Variants in LDB2 observed in about 807,000 individuals in gnomAD.
LDB2 encodes LIM domain-binding protein 2.
In LDB2, 12 loss-of-function variants were observed where a neutral mutation model predicts 44.3. The observed-to-expected ratio is 0.27, with a 90% CI of 0.17 to 0.44. The LOEUF is 0.44. LDB2 is among the 20% of genes least tolerant of loss of function. The probability of loss-of-function intolerance (pLI) is 1.00; values close to 1 mark genes in which losing one functional copy is unlikely to be tolerated. For synonymous variants in LDB2, 164 were observed against 174.8 expected (o/e 0.94, Z 0.49); for missense variants, 344 against 473.5 (o/e 0.73, Z 2.54).
Position 16,849,604 on chromosome 4 carries a change from A to G in LDB2, c.132+48750T>C, listed in dbSNP as rs137940602. On this transcript the variant is annotated intron_variant, in intron 1 of 7. Transcript: ENST00000304523. The stretch of plus-strand genomic sequence containing the variant: ...GCCTCCTTCAAATCCCTCTGGTCCA[A>G]TTGATGTATTAACTCTTTGGGAGCC... 2.8e-3 allele frequency among the ~76,000 whole-genome samples: 430 copies of G among 152,304 alleles called. 1 individual carries two copies. The highest frequency in any genetic ancestry group is 6.8e-3 in the Middle Eastern group (2 of 294).
chr4:16,711,981 A>T (rs367771857), intron 2 of LDB2, among the ~76,000 whole-genome samples: 8 of 152,326 alleles, frequency 5.3e-5, no homozygotes, highest in African/African-American at 1.4e-4. Context: ...CTTTTAGAAG[A>T]TAACATAGGC....
intron 2 of LDB2, among the ~76,000 whole-genome samples, chr4:16,754,258 T>G (rs913352154): frequency 6.6e-6 from 1 of 152,116 alleles, no homozygotes; most frequent in African/African-American, 2.4e-5. Context: ...GAGCCTAATC[T>G]CCTCAGTCCT....
intron 2 of LDB2, among the ~76,000 whole-genome samples, chr4:16,708,717 T>C (rs959120784): frequency 1.3e-5 from 2 of 152,034 alleles, no homozygotes; most frequent in Middle Eastern, 3.4e-3. Context: ...ATATAGTGGA[T>C]AGACATAATT....
intron 5 of LDB2, among the ~76,000 whole-genome samples, chr4:16,542,518 G>C (rs1187293864): frequency 6.6e-6 from 1 of 152,158 alleles, no homozygotes; most frequent in Admixed American, 6.5e-5. Context: ...CAAAGGCTAA[G>C]TGGCTGTAGC....
intron 5 of LDB2, among the ~76,000 whole-genome samples, chr4:16,517,726 A>C (rs1377712635): frequency 6.6e-6 from 1 of 152,232 alleles, no homozygotes; most frequent in Non-Finnish European, 1.5e-5. Flanking sequence ...TCATCCTGGC[A>C]AAGTTCCAAG....
At chr4:16,802,493 T>C (rs1167643143) in intron 1 of LDB2, among the ~76,000 whole-genome samples, 1 of 152,154 alleles carries the variant, frequency 6.6e-6, no homozygotes, top group African/African-American at 2.4e-5. Flanking sequence ...GAGAGCTGCA[T>C]CTCATTGCTG....
At chr4:16,536,206 T>C (rs919676801) in intron 5 of LDB2, among the ~76,000 whole-genome samples, 1 of 152,152 alleles carries the variant, frequency 6.6e-6, no homozygotes, top group Non-Finnish European at 1.5e-5. Flanking sequence ...CCCATGTAGC[T>C]CATTTGTGTA....
chr4:16,545,057 C>T (rs1321426053), intron 5 of LDB2, among the ~76,000 whole-genome samples: 1 of 152,066 alleles, frequency 6.6e-6, no homozygotes, highest in Admixed American at 6.5e-5. Context: ...AGAAGTATTT[C>T]ATGGAGAAAC....
chr4:16,898,430 C>T lies in LDB2; in HGVS notation c.56G>A (p.Arg19Lys). ...CTGTACCATGTATGGTGTATGCCTC[C>T]TATAAAATGGGCCGAAAGGAGAAGA... is the stretch of plus-strand genomic sequence containing the variant. ...FYSSPFGPFY[R>K]RHTPYMVQPE... The change falls in exon 1 of 8, where the codon AGG (arginine) becomes AAG (lysine). Residue 19 changes from arginine (R) to lysine (K), a missense_variant. This residue lies in a region of LDB2 where 226 missense variants were observed against 270.1 expected (regional missense o/e 0.84). Transcript: ENST00000304523. The T allele has an allele frequency of 6.2e-7, 1 of 1,613,794 alleles. No individual in the cohort carries two copies. Among genetic ancestry groups the T allele is most frequent in the South Asian group, 1.1e-5 (1 of 91,060 alleles).
rs1170545058 is a variant in LDB2 at position 16,739,648 on chromosome 4, ATGTGTG to A, written c.235+19504_235+19509del. Among the ~76,000 whole-genome samples the A allele has an allele frequency of 8.2e-4, 63 of 77,130 alleles. 1 individual carries two copies. Among genetic ancestry groups the A allele is most frequent in the African/African-American group, 1.8e-3 (35 of 19,754 alleles). The allele number at this position is 77,130 out of a possible 152,430, so 50.6% of individuals were successfully genotyped here. A position where few individuals can be genotyped will look rare whatever the true frequency, so the allele number is the denominator to read the frequency against. On this transcript the variant is annotated intron_variant, in intron 2 of 7. Coordinates refer to ENST00000304523, the MANE Select transcript of LDB2 (RefSeq NM_001290.5). ...TGTGTGTATATATGTATATATACAT[ATGTGTG>A]TATATATGTATATATACATATGTGT...
At chr4:16,512,513 A>C (rs1453368916) in intron 5 of LDB2, among the ~76,000 whole-genome samples, 1 of 152,028 alleles carries the variant, frequency 6.6e-6, no homozygotes, top group Non-Finnish European at 1.5e-5. Flanking sequence ...TTCGATTTCT[A>C]CTCTGGTTTC....
intron 5 of LDB2, chr4:16,581,396 G>A (rs1411403440): frequency 3.5e-5 from 34 of 984,120 alleles, no homozygotes; most frequent in Non-Finnish European, 4.1e-5. Context: ...GTCACAGTGA[G>A]AGGATGCTTG....
intron 2 of LDB2, among the ~76,000 whole-genome samples, chr4:16,601,781 A>G (rs1181811863): frequency 1.1e-4 from 16 of 152,166 alleles, no homozygotes; most frequent in Non-Finnish European, 1.3e-4. Context: ...GAGTCATTAA[A>G]CTTTAAACTT....
At chr4:16,846,201 A>C (rs1303039204) in intron 1 of LDB2, among the ~76,000 whole-genome samples, 1 of 152,036 alleles carries the variant, frequency 6.6e-6, no homozygotes, top group Non-Finnish European at 1.5e-5. Flanking sequence ...TTTTCTATGC[A>C]ATGCACTCCC....
intron 1 of LDB2, among the ~76,000 whole-genome samples, chr4:16,773,246 G>A (rs1042348097): frequency 1.3e-5 from 2 of 152,186 alleles, no homozygotes; most frequent in African/African-American, 4.8e-5. Context: ...GACTGGTTTC[G>A]TGGAAGACAG....
chr4:16,505,794 C>A, intron 7 of LDB2: 1 of 1,496,214 alleles, frequency 6.7e-7, no homozygotes, highest in Non-Finnish European at 8.9e-7. Context: ...CCAGCTCTCA[C>A]CCATTTCACA....
chr4:16,823,436 A>G (rs1561353922), intron 1 of LDB2, among the ~76,000 whole-genome samples: 1 of 152,228 alleles, frequency 6.6e-6, no homozygotes, highest in African/African-American at 2.4e-5. Context: ...ATCCCTGGCC[A>G]GGTCTTAAAT....
chr4:16,860,466 A>G (rs1221763404), intron 1 of LDB2, among the ~76,000 whole-genome samples: 1 of 152,118 alleles, frequency 6.6e-6, no homozygotes, highest in Non-Finnish European at 1.5e-5. Context: ...TCGCTGATTC[A>G]CCTCTGATCA....
At chr4:16,732,735 G>A (rs1761016904) in intron 2 of LDB2, among the ~76,000 whole-genome samples, 1 of 152,316 alleles carries the variant, frequency 6.6e-6, no homozygotes, top group East Asian at 1.9e-4. Flanking sequence ...AAACAAACAT[G>A]TACATCTGAA....
Sources: allele counts gnomAD v4.1 joint callset (sites outside exome capture counted in the v4.1 genomes callset), GRCh38; gene constraint gnomAD v4.1.1; regional missense constraint gnomAD v4.1.1; transcripts MANE v1.5; gene names NCBI Gene and HGNC (gene_info 2026-07-23, HGNC 2026-07-21).